HNRNPA3: variants seen among roughly 807,000 people sequenced by gnomAD.
HNRNPA3 encodes epididymis secretory sperm binding protein.
A neutral mutation model predicts 45.8 loss-of-function variants in HNRNPA3; 3 were observed. That is an observed-to-expected ratio of 0.07 (90% CI 0.03 to 0.17). HNRNPA3 has a LOEUF of 0.17. Among genes scored for constraint, HNRNPA3 ranks in the 10% least tolerant of loss-of-function variants. HNRNPA3 has a pLI of 1.00. For synonymous variants in HNRNPA3, 170 were observed against 155.6 expected (o/e 1.09, Z -0.69); for missense variants, 183 against 480.3 (o/e 0.38, Z 5.79).
chr2:177,216,610 C>T lies in HNRNPA3; in HGVS notation c.643+18C>T. The T allele has an allele frequency of 2.5e-6, 4 of 1,611,720 alleles. No individual in the cohort carries two copies. The highest frequency in any genetic ancestry group is 3.4e-6 in the Non-Finnish European group (4 of 1,177,874). Reference sequence around the variant, plus strand: ...ACAGAGAGGTGAGTAGGACCATACACATGTATACAGTGGATATGAGTGGTG... The same window carrying T: ...ACAGAGAGGTGAGTAGGACCATACATATGTATACAGTGGATATGAGTGGTG... On this transcript the variant is annotated intron_variant, in intron 5 of 10. Coordinates refer to ENST00000392524, the Ensembl canonical transcript of HNRNPA3.
chr2:177,219,730 G>T (rs1179317062), exon 11 of HNRNPA3: 2 of 153,958 alleles, frequency 1.3e-5, no homozygotes, highest in African/African-American at 4.8e-5. Context: ...CCTGTAAATT[G>T]TGGTAGTGGT....
chr2:177,214,368 T>G (rs1057197529), intron 1 of HNRNPA3, among the ~76,000 whole-genome samples: 1 of 152,242 alleles, frequency 6.6e-6, no homozygotes, highest in Non-Finnish European at 1.5e-5. Context: ...TCGGCTTTTT[T>G]TTTTCCTCAG....
intron 10 of HNRNPA3, 46 bp from the exon 11 acceptor site, chr2:177,219,361 AC>A: frequency 7.4e-7 from 1 of 1,349,942 alleles, no homozygotes; most frequent in Non-Finnish European, 1.0e-6. Flanking sequence ...AATATGTGGA[AC>A]TGTTCACTGA....
In HNRNPA3 at chr2:177,219,097, C is replaced by T. The variant is rs1689082612; in HGVS notation, c.1022C>T (p.Ser341Leu). ...GGAAATTATAGTGGACAACAGCAAT[C>T]AAATTATGGACCCATGAAAGGGGGC... The change falls in exon 9 of 11, where the codon TCA (serine) becomes TTA (leucine). Residue 341 changes from serine (S) to leucine (L), a missense_variant. Physicochemically the swap from Ser to Leu is moderately radical, Grantham distance 145 (BLOSUM62 -2). Transcript: ENST00000392524. The T allele has an allele frequency of 6.2e-7, 1 of 1,613,908 alleles. No individual in the cohort carries two copies. The highest frequency in any genetic ancestry group is 8.5e-7 in the Non-Finnish European group (1 of 1,179,952).
chr2:177,219,381 A>AT lies in HNRNPA3; in HGVS notation c.*16-20dup, dbSNP rs1199286575. On this transcript the variant is annotated intron_variant, in intron 10 of 10. Coordinates refer to ENST00000392524, the Ensembl canonical transcript of HNRNPA3. Reference sequence around the variant, plus strand: ...GTGGAACTGTTCACTGAGTGTAATAATTTTTTTATCCTGTATTATTCAACA... The same window carrying AT: ...GTGGAACTGTTCACTGAGTGTAATAATTTTTTTTATCCTGTATTATTCAACA... 12 of 1,223,676 alleles carry AT rather than the reference A, an allele frequency of 9.8e-6. No homozygotes were observed. In the Admixed American group the frequency reaches 1.0e-4, roughly 11 times the overall value. 75.8% of individuals were successfully genotyped at this position (1,223,676 alleles called of 1,614,324 possible).
chr2:177,218,623 A>G (rs771926837), intron 8 of HNRNPA3, among the ~76,000 whole-genome samples: 2 of 152,216 alleles, frequency 1.3e-5, no homozygotes, highest in Non-Finnish European at 2.9e-5. Flanking sequence ...GCGTTTAAGC[A>G]AGCTAGTGTA....
chr2:177,217,064 A>G (rs1341521298), intron 7 of HNRNPA3, 124 bp downstream of exon 7: 4 of 1,061,224 alleles, frequency 3.8e-6, no homozygotes, highest in South Asian at 1.9e-5. Context: ...TGTATTTCCA[A>G]ACTGTACATG....
intron 1 of HNRNPA3, among the ~76,000 whole-genome samples, chr2:177,213,264 T>A (rs1688766320): frequency 6.6e-6 from 1 of 152,062 alleles, no homozygotes; most frequent in African/African-American, 2.4e-5. Context: ...GGCGGCCACA[T>A]TGACATTGAT....
At chr2:177,223,312 C>A (rs960127141), downstream of HNRNPA3, 2 of 150,962 alleles carry the variant, frequency 1.3e-5, no homozygotes, top group African/African-American at 4.9e-5. Flanking sequence ...TAGTTTATTT[C>A]TTTTTATGAA....
At chr2:177,215,941 G>C (rs1428874103) in intron 3 of HNRNPA3, 37 bp from the exon 4 acceptor site, 2 of 1,596,634 alleles carry the variant, frequency 1.3e-6, no homozygotes, top group Non-Finnish European at 1.7e-6. Context: ...TGTTGTGAAA[G>C]TTTGTTTCTT....
At chr2:177,216,834 T>G in intron 6 of HNRNPA3, 26 bp from the exon 7 acceptor site, 1 of 1,612,776 alleles carries the variant, frequency 6.2e-7, no homozygotes, top group Non-Finnish European at 8.5e-7. Flanking sequence ...ATATATTATT[T>G]TAATTCATTT....
chr2:177,221,655 A>G (rs1689191053), downstream of HNRNPA3: 1 of 152,654 alleles, frequency 6.6e-6, no homozygotes, highest in Non-Finnish European at 1.5e-5. Flanking sequence ...AGGACCTAAG[A>G]TGTGCTTTTT....
At chr2:177,219,375 GTAA>G in intron 10 of HNRNPA3, 30 bp from the exon 11 acceptor site, 1 of 1,277,502 alleles carries the variant, frequency 7.8e-7, no homozygotes, top group Non-Finnish European at 1.1e-6. Flanking sequence ...TTCACTGAGT[GTAA>G]TAATTTTTTT....
rs150188153 is a variant in HNRNPA3 at position 177,213,965 on chromosome 2, T to C, written c.72+1094T>C. Among the ~76,000 whole-genome samples the C allele has an allele frequency of 4.6e-5, 7 of 152,362 alleles. 1 individual carries two copies. The East Asian group carries it at 1.3e-3, about 29-fold the overall frequency. ...AGATGAGATTACATGAATTAATGCT[T>C]TAGGCTATTAACGTTTTTTTCTAGC... On this transcript the variant is annotated intron_variant, in intron 1 of 10. Coordinates refer to ENST00000392524, the Ensembl canonical transcript of HNRNPA3.
chr2:177,216,997 A>T, intron 7 of HNRNPA3, 57 bp downstream of exon 7: 1 of 1,387,746 alleles, frequency 7.2e-7, no homozygotes, highest in Non-Finnish European at 9.6e-7. Context: ...CTTATTGAAA[A>T]TTATTTATTA....
exon 2 of HNRNPA3, chr2:177,215,569 A>C: frequency 6.2e-7 from 1 of 1,613,926 alleles, no homozygotes; most frequent in Non-Finnish European, 8.5e-7. Context: ...AGAGCAGTTG[A>C]GAAAACTGTT....
exon 8 of HNRNPA3, chr2:177,217,819 A>T (rs533271533): frequency 6.3e-7 from 1 of 1,586,388 alleles, no homozygotes; most frequent in African/African-American, 1.4e-5. Flanking sequence ...TATGATGGTT[A>T]CAATGAAGGA....
At chr2:177,215,256 A>G (rs1574239359) in intron 1 of HNRNPA3, among the ~76,000 whole-genome samples, 2 of 151,946 alleles carry the variant, frequency 1.3e-5, no homozygotes, top group Non-Finnish European at 2.9e-5. Flanking sequence ...CACCACGCCC[A>G]GCTAATTTTT....
At position 177,216,788 on chromosome 2, in the gene HNRNPA3, C is replaced by T; in HGVS notation, c.739+17C>T. 1.2e-6 allele frequency: 2 copies of T among 1,614,012 alleles called. No homozygotes were observed. The highest frequency in any genetic ancestry group is 2.2e-5 in the East Asian group (1 of 44,886). On this transcript the variant is annotated intron_variant, in intron 6 of 10. Transcript: ENST00000392524. Reference sequence around the variant, plus strand: ...GTGGAAGAGGTAGGCTGTTTATCTTCTAAGTACATGGATACCTGACATTTT... The same window carrying T: ...GTGGAAGAGGTAGGCTGTTTATCTTTTAAGTACATGGATACCTGACATTTT...
Sources: gnomAD v4.1 joint callset for allele counts (sites outside exome capture counted in the v4.1 genomes callset) on GRCh38, gnomAD v4.1.1 for gene constraint, MANE v1.5 for transcripts, NCBI Gene and HGNC (gene_info 2026-07-23, HGNC 2026-07-21) for gene names.